WDR20: variants seen among roughly 807,000 people sequenced by gnomAD.
The protein encoded by WDR20 is WD repeat domain 20.
In WDR20, 3 loss-of-function variants were observed where a neutral mutation model predicts 38.7. The ratio of observed to expected loss-of-function variants is 0.08; its 90% CI spans 0.04 to 0.20. The LOEUF (loss-of-function observed/expected upper bound fraction) is 0.20, where lower values mean the gene tolerates loss of function less well. Among genes scored for constraint, WDR20 ranks in the 10% least tolerant of loss-of-function variants. The pLI is 1.00. For missense variants in WDR20, 559 were observed against 727.7 expected (o/e 0.77, Z 2.67); for synonymous variants, 298 against 285.6 (o/e 1.04, Z -0.44).
At chr14:102,191,967 CTT>C (rs1212848408) in intron 1 of WDR20, among the ~76,000 whole-genome samples, 4 of 152,134 alleles carry the variant, frequency 2.6e-5, no homozygotes, top group Non-Finnish European at 5.9e-5. Context: ...TAAACTCTAA[CTT>C]TTTATCATTA....
chr14:102,213,949 A>C (rs570071528), downstream of WDR20: 8 of 985,352 alleles, frequency 8.1e-6, 1 homozygote, highest in South Asian at 3.3e-4. Flanking sequence ...TTTTCTGGGG[A>C]ACGATTCATG....
At chr14:102,151,623 A>G (rs1297465130) in intron 1 of WDR20, among the ~76,000 whole-genome samples, 2 of 151,980 alleles carry the variant, frequency 1.3e-5, no homozygotes, top group East Asian at 3.9e-4. Flanking sequence ...GCCTGGGTTC[A>G]AACGATCTTC....
rs1311916169 is a variant in WDR20 at position 102,220,112 on chromosome 14, G to A, written c.1693-2718G>A. On this transcript the variant is annotated intron_variant, in intron 3 of 3. Transcript: ENST00000335263. This position sits in a 1 kb window ranked among gnomAD's most constrained non-coding sequence, Gnocchi z 4.2. The stretch of plus-strand genomic sequence containing the variant: ...GTAGGGACCAGCTGGCGGAAGCAGC[G>A]TGTCCCTCAACATCAGGCTCTGGCA... 6.6e-5 allele frequency among the ~76,000 whole-genome samples: 10 copies of A among 152,362 alleles called. No individual in the cohort carries two copies. The highest frequency in any genetic ancestry group is 2.1e-4 in the South Asian group (1 of 4,828).
intron 1 of WDR20, among the ~76,000 whole-genome samples, chr14:102,151,145 T>C (rs2055641666): frequency 6.6e-6 from 1 of 152,114 alleles, no homozygotes; most frequent in Non-Finnish European, 1.5e-5. Flanking sequence ...AGCCTTTTTA[T>C]TTTCTCTTCA....
At chr14:102,194,519 G>A (rs527888513) in intron 1 of WDR20, among the ~76,000 whole-genome samples, 2 of 152,290 alleles carry the variant, frequency 1.3e-5, no homozygotes, top group Non-Finnish European at 2.9e-5. Flanking sequence ...AGAACCACTG[G>A]GCTGCAGGTA....
chr14:102,148,585 G>A (rs1037451865), intron 1 of WDR20, among the ~76,000 whole-genome samples: 3 of 151,448 alleles, frequency 2.0e-5, no homozygotes, highest in Non-Finnish European at 2.9e-5. Flanking sequence ...AGCATTTATT[G>A]ATGACTGGTA....
chr14:102,185,604 T>C (rs1432511016), intron 1 of WDR20, among the ~76,000 whole-genome samples: 1 of 152,194 alleles, frequency 6.6e-6, no homozygotes, highest in Non-Finnish European at 1.5e-5. Context: ...TTGTACTTAC[T>C]GCGCAGGTTT....
chr14:102,219,396 G>A (rs1226262810), downstream of WDR20, among the ~76,000 whole-genome samples: 4 of 152,228 alleles, frequency 2.6e-5, no homozygotes, highest in Non-Finnish European at 5.9e-5. Flanking sequence ...GCCACCCGGA[G>A]TGCTGTGTCG....
chr14:102,210,437 C>A lies in WDR20; in HGVS notation c.*557C>A. 1.0e-6 allele frequency: 1 copy of A among 985,354 alleles called. No homozygotes were observed. The highest frequency in any genetic ancestry group is 1.2e-6 in the Non-Finnish European group (1 of 829,900). The allele number at this position is 985,354 out of a possible 1,614,324, so 61.0% of individuals were successfully genotyped here. A position where few individuals can be genotyped will look rare whatever the true frequency, so the allele number is the denominator to read the frequency against. On this transcript the variant is annotated 3_prime_UTR_variant, in exon 3 of 3. Transcript: ENST00000342702. ...ATTATTTTTACATTGTTCTGGCAAT[C>A]CACAGAAAGAGAAGAGCCTTAATTT...
At chr14:102,200,467 TTGTGTGTGTGTGTGTGTGTGTG>T (rs71395660) in intron 2 of WDR20, among the ~76,000 whole-genome samples, 1 of 117,772 alleles carries the variant, frequency 8.5e-6, no homozygotes, top group African/African-American at 3.1e-5. Flanking sequence ...ATTTTTTTTT[TTGTGTGTGTGTGTGTGTGTGTG>T]TGTGTGTGTG....
intron 2 of WDR20, among the ~76,000 whole-genome samples, chr14:102,200,465 T>TGTGTGTGTGTG (rs1555400497): frequency 1.5e-4 from 15 of 98,624 alleles, no homozygotes; most frequent in African/African-American, 6.9e-4. Context: ...AAATTTTTTT[T>TGTGTGTGTGTG]TTTGTGTGTG....
intron 1 of WDR20, among the ~76,000 whole-genome samples, chr14:102,169,148 G>A (rs991068664): frequency 3.3e-5 from 5 of 150,824 alleles, no homozygotes; most frequent in Admixed American, 6.6e-5. Flanking sequence ...CGTCCCACCC[G>A]TGGAGCCAAT....
chr14:102,204,785 A>T lies in WDR20; in HGVS notation c.433-3818A>T, dbSNP rs142326535. 4.6e-3 allele frequency among the ~76,000 whole-genome samples: 705 copies of T among 152,358 alleles called. 6 individuals carry two copies. Among genetic ancestry groups the T allele is most frequent in the African/African-American group, 0.016 (654 of 41,582 alleles). On this transcript the variant is annotated intron_variant, in intron 2 of 2. Coordinates refer to ENST00000342702, the MANE Select transcript of WDR20 (RefSeq NM_144574.4). ...TGGGAGTTTATCCTGTAGGTACATT[A>T]CTCACACATGTGAAAAGTGCGTGTG...
chr14:102,176,349 C>T (rs1360274504), intron 1 of WDR20, among the ~76,000 whole-genome samples: 3 of 151,268 alleles, frequency 2.0e-5, no homozygotes, highest in African/African-American at 2.4e-5. Context: ...GAGCCAAGAT[C>T]GCGCCACTGT....
intron 1 of WDR20, among the ~76,000 whole-genome samples, chr14:102,172,284 T>C (rs985423407): frequency 2.0e-5 from 3 of 150,726 alleles, no homozygotes; most frequent in Non-Finnish European, 4.5e-5. Flanking sequence ...CAGAACAAAA[T>C]GAAAAGTCTC....
downstream of WDR20, among the ~76,000 whole-genome samples, chr14:102,215,244 C>T (rs2063075705): frequency 1.3e-5 from 2 of 152,202 alleles, no homozygotes; most frequent in Admixed American, 1.3e-4. Flanking sequence ...GTGCCAACTC[C>T]AGTCCGGGAG....
intron 1 of WDR20, among the ~76,000 whole-genome samples, chr14:102,173,462 TTATTATTATTATTA>T (rs1365258917): frequency 1.0e-3 from 151 of 146,700 alleles, no homozygotes; most frequent in Middle Eastern, 7.2e-3. Context: ...ATTATTATTA[TTATTATTATTATTA>T]TTATTTTTAT....
chr14:102,142,774 C>CT (rs71116885), intron 1 of WDR20, among the ~76,000 whole-genome samples: 58,239 of 84,592 alleles, frequency 0.69, 20,563 homozygotes, highest in East Asian at 0.87. Flanking sequence ...GCTGTTTTGA[C>CT]TTTTTTTTTT....
chr14:102,224,713 A>G, downstream of WDR20: 1 of 456,040 alleles, frequency 2.2e-6, no homozygotes. Flanking sequence ...CATTAGTTAC[A>G]GCTTGAGTTC....
Sources: gnomAD v4.1 joint callset for allele counts (sites outside exome capture counted in the v4.1 genomes callset) on GRCh38, gnomAD v4.1.1 for gene constraint, Gnocchi (gnomAD v3.1) non-coding constraint, MANE v1.5 for transcripts, NCBI Gene and HGNC (gene_info 2026-07-23, HGNC 2026-07-21) for gene names.